Variants in AGBL4 observed in about 807,000 individuals in gnomAD.
AGBL4 encodes the protein cytosolic carboxypeptidase 6.
Under a neutral mutation model 66.4 loss-of-function variants are expected in AGBL4, and 58 were observed. The observed-to-expected ratio is 0.87, with a 90% CI of 0.71 to 1.09. AGBL4 has a LOEUF of 1.09. Ranked by LOEUF, AGBL4 falls within the 50% of genes least tolerant of loss-of-function variation. The pLI is 0.00. For missense variants in AGBL4, 579 were observed against 631.0 expected, an observed-to-expected ratio of 0.92 and a Z score of 0.88; for synonymous variants, 234 against 222.9, an observed-to-expected ratio of 1.05 and a Z score of -0.44.
chr1:49,290,085 T>C (rs1644505281), intron 3 of AGBL4, among the ~76,000 whole-genome samples: 1 of 152,204 alleles, frequency 6.6e-6, no homozygotes, highest in Non-Finnish European at 1.5e-5. Flanking sequence ...AAAATTTAAA[T>C]AAAATCATCA....
At chr1:49,448,842 T>C (rs1454797530) in intron 3 of AGBL4, among the ~76,000 whole-genome samples, 1 of 150,992 alleles carries the variant, frequency 6.6e-6, no homozygotes, top group African/African-American at 2.4e-5. Context: ...ACATGTAAGA[T>C]GGAAAATAAC....
chr1:49,465,303 C>T (rs535603512), intron 3 of AGBL4, among the ~76,000 whole-genome samples: 77 of 149,620 alleles, frequency 5.1e-4, no homozygotes, highest in Non-Finnish European at 1.1e-3. Flanking sequence ...GAATTATGGA[C>T]CATTCTTACT....
At chr1:49,995,370 T>A in intron 1 of AGBL4, 1 of 439,362 alleles carries the variant, frequency 2.3e-6, no homozygotes, top group Non-Finnish European at 4.6e-6. Context: ...GGCCTGTCAC[T>A]GCGGCCTTTC....
At chr1:49,789,690 C>A (rs767995266) in intron 2 of AGBL4, among the ~76,000 whole-genome samples, 1 of 152,146 alleles carries the variant, frequency 6.6e-6, no homozygotes, top group Non-Finnish European at 1.5e-5. Context: ...AGAGAGGACA[C>A]AAATGAGAAA....
At chr1:48,693,124 C>A (rs1646659158) in intron 6 of AGBL4, among the ~76,000 whole-genome samples, 1 of 146,052 alleles carries the variant, frequency 6.8e-6, no homozygotes, top group African/African-American at 2.4e-5. Flanking sequence ...ATTCAAAGCT[C>A]TTGGTTGCTT....
chr1:49,573,693 C>T (rs1309963977), intron 3 of AGBL4, among the ~76,000 whole-genome samples: 3 of 152,178 alleles, frequency 2.0e-5, no homozygotes, highest in Non-Finnish European at 4.4e-5. Flanking sequence ...GAAAAACAGA[C>T]ATGAGCTCTT....
intron 9 of AGBL4, among the ~76,000 whole-genome samples, chr1:48,626,527 G>A (rs1050198065): frequency 1.3e-5 from 2 of 152,222 alleles, no homozygotes; most frequent in Non-Finnish European, 2.9e-5. Context: ...AGTGGATCAA[G>A]AGCTATACCC....
chr1:49,557,386 AG>A (rs1643929426), intron 3 of AGBL4, among the ~76,000 whole-genome samples: 1 of 152,172 alleles, frequency 6.6e-6, no homozygotes, highest in African/African-American at 2.4e-5. Flanking sequence ...TTGAAGAAAT[AG>A]AAAAAATAGT....
At chr1:49,185,601 T>C (rs1647002294) in intron 4 of AGBL4, among the ~76,000 whole-genome samples, 1 of 152,202 alleles carries the variant, frequency 6.6e-6, no homozygotes, top group Admixed American at 6.5e-5. Context: ...AACTTGGACA[T>C]ATGTTCTTCC....
intron 1 of AGBL4, among the ~76,000 whole-genome samples, chr1:49,967,546 G>A (rs932148942): frequency 1.3e-5 from 2 of 152,030 alleles, no homozygotes; most frequent in African/African-American, 2.4e-5. Context: ...ATAACATTAG[G>A]AGAAATACCT....
intron 6 of AGBL4, among the ~76,000 whole-genome samples, chr1:48,744,195 C>T (rs1310575214): frequency 1.3e-5 from 2 of 152,206 alleles, no homozygotes; most frequent in South Asian, 2.1e-4. Context: ...TATTCAAGGG[C>T]TGGGCCTAGG....
At chr1:49,451,593 T>C (rs1029586618) in intron 3 of AGBL4, among the ~76,000 whole-genome samples, 8 of 151,976 alleles carry the variant, frequency 5.3e-5, no homozygotes, top group Non-Finnish European at 2.9e-5. Flanking sequence ...CTGCCTTTTA[T>C]GAAGTCCTTT....
chr1:49,022,359 C>A (rs1663312808), intron 5 of AGBL4, among the ~76,000 whole-genome samples: 1 of 151,952 alleles, frequency 6.6e-6, no homozygotes, highest in Non-Finnish European at 1.5e-5. Context: ...GAAATAATAT[C>A]TCGGTGGGAA....
chr1:49,481,893 T>C (rs1287760275), intron 3 of AGBL4, among the ~76,000 whole-genome samples: 1 of 151,496 alleles, frequency 6.6e-6, no homozygotes, highest in Non-Finnish European at 1.5e-5. Context: ...TATGTGGTTT[T>C]TGTCTTTAGT....
chr1:49,898,377 T>C (rs994165563), intron 1 of AGBL4, among the ~76,000 whole-genome samples: 11 of 152,010 alleles, frequency 7.2e-5, no homozygotes, highest in African/African-American at 2.4e-4. Flanking sequence ...CTCAAATTCA[T>C]TGATCATCAG....
At chr1:49,464,099 A>G (rs1646574323) in intron 3 of AGBL4, among the ~76,000 whole-genome samples, 1 of 151,800 alleles carries the variant, frequency 6.6e-6, no homozygotes, top group East Asian at 1.9e-4. Flanking sequence ...ATCAGAGAAT[A>G]TAATGTCCTG....
intron 3 of AGBL4, among the ~76,000 whole-genome samples, chr1:49,650,470 C>T (rs1237066470): frequency 1.3e-5 from 2 of 152,190 alleles, no homozygotes; most frequent in African/African-American, 4.8e-5. Context: ...TTCCTAGGGA[C>T]AGAGCACTGA....
chr1:49,695,906 T>C (rs1262162101), intron 3 of AGBL4, among the ~76,000 whole-genome samples: 3 of 152,046 alleles, frequency 2.0e-5, no homozygotes, highest in Non-Finnish European at 4.4e-5. Context: ...AGGAATAATA[T>C]TGTATAGAAG....
At position 49,707,271 on chromosome 1, in the gene AGBL4, G is replaced by A. The variant is rs143884975; in HGVS notation, c.158-9834C>T. 5.2e-3 allele frequency among the ~76,000 whole-genome samples: 781 copies of A among 150,792 alleles called. 2 individuals are homozygous for A. Among genetic ancestry groups the A allele is most frequent in the Non-Finnish European group, 8.7e-3 (589 of 67,778 alleles). On this transcript the variant is annotated intron_variant, in intron 2 of 13. Transcript: ENST00000371839. ...TTAGGATAGTTAACTCCCTTGTTGC[G>A]TTGATCCCTTTACCCTTATGTAATG...
Sources: allele counts gnomAD v4.1 joint callset (sites outside exome capture counted in the v4.1 genomes callset), GRCh38; gene constraint gnomAD v4.1.1; transcripts MANE v1.5; gene names NCBI Gene and HGNC (gene_info 2026-07-23, HGNC 2026-07-21).